Variants in IFT57 observed in about 807,000 individuals in gnomAD.
IFT57 encodes intraflagellar transport protein 57 homolog.
IFT57 carries 59 observed loss-of-function variants against 56.8 expected under a neutral mutation model. The ratio of observed to expected loss-of-function variants is 1.04; its 90% CI spans 0.84 to 1.29. IFT57 has a LOEUF of 1.29. Among genes scored for constraint, IFT57 ranks in the 50% most tolerant of loss-of-function variants. The pLI, the probability that IFT57 is intolerant of heterozygous loss-of-function variation, is 0.00. For synonymous variants in IFT57, 209 were observed against 186.1 expected (o/e 1.12, Z -1.00); for missense variants, 470 against 522.1 (o/e 0.90, Z 0.97).
chr3:108,194,788 T>C (rs1159474797), intron 5 of IFT57, among the ~76,000 whole-genome samples: 1 of 152,188 alleles, frequency 6.6e-6, no homozygotes, highest in African/African-American at 2.4e-5. Flanking sequence ...GATATTCATA[T>C]GTAGAAGAAT....
At chr3:108,195,081 A>G (rs1257338736) in intron 5 of IFT57, among the ~76,000 whole-genome samples, 2 of 152,170 alleles carry the variant, frequency 1.3e-5, no homozygotes, top group Non-Finnish European at 2.9e-5. Context: ...CTGAAAGGGG[A>G]TTAACAATCA....
chr3:108,175,727 T>C (rs1251237579), intron 6 of IFT57, among the ~76,000 whole-genome samples: 1 of 151,710 alleles, frequency 6.6e-6, no homozygotes, highest in Non-Finnish European at 1.5e-5. Context: ...GAGCTAGAGC[T>C]AGAGATGGTA....
At chr3:108,163,584 T>C (rs1024266559) in intron 10 of IFT57, 79 bp downstream of exon 10, 3 of 900,006 alleles carry the variant, frequency 3.3e-6, no homozygotes, top group Admixed American at 2.0e-5. Context: ...TATATATTAA[T>C]ACTATTTTGT....
intron 2 of IFT57, 69 bp downstream of exon 2, chr3:108,219,341 G>T: frequency 7.6e-7 from 1 of 1,313,488 alleles, no homozygotes; most frequent in Non-Finnish European, 1.1e-6. Flanking sequence ...GCTAGCATTT[G>T]TTATTAAATT....
At chr3:108,210,542 A>T (rs1207655312) in intron 4 of IFT57, among the ~76,000 whole-genome samples, 1 of 151,994 alleles carries the variant, frequency 6.6e-6, no homozygotes, top group Admixed American at 6.6e-5. Flanking sequence ...CATGTTAGCC[A>T]GGCTAATCTC....
At chr3:108,165,323 A>T in intron 9 of IFT57, 108 bp downstream of exon 9, 1 of 790,080 alleles carries the variant, frequency 1.3e-6, no homozygotes, top group Non-Finnish European at 2.2e-6. Flanking sequence ...AAAATGATTT[A>T]AAGGCACAGG....
intron 3 of IFT57, 46 bp from the exon 4 acceptor site, chr3:108,214,067 T>C: frequency 8.5e-7 from 1 of 1,177,990 alleles, no homozygotes; most frequent in Non-Finnish European, 1.2e-6. Flanking sequence ...TAATATTTAG[T>C]AAGACAAAAA....
intron 4 of IFT57, among the ~76,000 whole-genome samples, chr3:108,212,014 G>A (rs2080344749): frequency 6.6e-6 from 1 of 152,052 alleles, no homozygotes; most frequent in Non-Finnish European, 1.5e-5. Flanking sequence ...ACAGGGTCTT[G>A]CTCTGTCACC....
Position 108,161,786 on chromosome 3 carries a change from T to C in IFT57, c.*691A>G, listed in dbSNP as rs905906279. ...CCGATACCACAGAAAAAGGTAGAAA[T>C]TGAGACATGCATATGCACCTTCTCT... On this transcript the variant is annotated 3_prime_UTR_variant, in exon 11 of 11. Transcript: ENST00000264538. 12 of 152,168 alleles carry C rather than the reference T, an allele frequency of 7.9e-5. No homozygotes were observed. Among genetic ancestry groups the C allele is most frequent in the Admixed American group, 1.3e-4 (2 of 15,260 alleles). The allele number at this position is 152,168 out of a possible 1,614,324, so 9.4% of individuals were successfully genotyped here.
In IFT57 at chr3:108,160,988, G is replaced by A. The variant is rs111415950; in HGVS notation, c.*1489C>T. 6.6e-6 allele frequency: 1 copy of A among 152,242 alleles called. No homozygotes were observed. The highest frequency in any genetic ancestry group is 2.4e-5 in the African/African-American group (1 of 41,550). 9.4% of individuals were successfully genotyped at this position (152,242 alleles called of 1,614,324 possible). Reference sequence around the variant, plus strand: ...TTACATGTCTGCATAAATAATGGGTGTACTTTGCTTCTGATTGAAATGCAT... The same window carrying A: ...TTACATGTCTGCATAAATAATGGGTATACTTTGCTTCTGATTGAAATGCAT... On this transcript the variant is annotated 3_prime_UTR_variant, in exon 11 of 11. Transcript: ENST00000264538.
intron 1 of IFT57, among the ~76,000 whole-genome samples, chr3:108,219,779 A>G (rs573358755): frequency 6.6e-6 from 1 of 152,298 alleles, no homozygotes; most frequent in African/African-American, 2.4e-5. Context: ...TAGGGCAATT[A>G]CTACTGTACC....
chr3:108,163,694 C>T lies in IFT57; in HGVS notation c.1080G>A (p.Met360Ile). The T allele has an allele frequency of 1.2e-6, 2 of 1,611,164 alleles. No homozygotes were observed. The highest frequency in any genetic ancestry group is 1.7e-6 in the Non-Finnish European group (2 of 1,178,064). Residue 360 changes from methionine to isoleucine, a missense_variant, in exon 10 of 11, where the codon ATG becomes ATA. Physicochemically the swap from Met to Ile is conservative, Grantham distance 10. Coordinates refer to ENST00000264538, the MANE Select transcript of IFT57 (RefSeq NM_018010.4). Reference protein sequence around the residue: ...MEELEKVKQEMEEKGSSMTDG... With the variant: ...MEELEKVKQEIEEKGSSMTDG... The stretch of plus-strand genomic sequence containing the variant: ...CAGTCATGCTGCTGCCCTTTTCTTC[C>T]ATTTCTTGTTTTACCTTTTCTAATT...
chr3:108,189,752 G>A (rs1220498450), intron 6 of IFT57, among the ~76,000 whole-genome samples: 1 of 133,700 alleles, frequency 7.5e-6, no homozygotes, highest in Non-Finnish European at 1.7e-5. Context: ...ACTTTGTGCA[G>A]TAGTTTTGAC....
chr3:108,183,466 AC>A (rs1233789663), intron 6 of IFT57, among the ~76,000 whole-genome samples: 7 of 152,140 alleles, frequency 4.6e-5, no homozygotes, highest in Non-Finnish European at 1.0e-4. Context: ...TCAATGTAGG[AC>A]CAACCAGACC....
chr3:108,185,078 A>T (rs928280454), intron 6 of IFT57, among the ~76,000 whole-genome samples: 3 of 152,190 alleles, frequency 2.0e-5, no homozygotes, highest in African/African-American at 4.8e-5. Context: ...TTATAAAAAA[A>T]GAAAATTCAG....
chr3:108,183,508 CCAGT>C (rs1306929871), intron 6 of IFT57, among the ~76,000 whole-genome samples: 2 of 152,126 alleles, frequency 1.3e-5, no homozygotes, highest in Non-Finnish European at 2.9e-5. Context: ...CCTTAACCAG[CCAGT>C]CACATATTAT....
At chr3:108,214,507 ATT>A (rs2080360112) in intron 3 of IFT57, among the ~76,000 whole-genome samples, 1 of 152,170 alleles carries the variant, frequency 6.6e-6, no homozygotes. Context: ...TTTGTACAGT[ATT>A]GTTTTGCTAT....
chr3:108,197,165 T>C (rs748204821), intron 5 of IFT57, among the ~76,000 whole-genome samples: 5 of 152,206 alleles, frequency 3.3e-5, no homozygotes, highest in African/African-American at 4.8e-5. Context: ...TAGAAGCTCA[T>C]AAGACACAAG....
At chr3:108,194,757 T>C (rs2080234511) in intron 5 of IFT57, among the ~76,000 whole-genome samples, 1 of 152,110 alleles carries the variant, frequency 6.6e-6, no homozygotes. Flanking sequence ...GTCTCTTCAA[T>C]ACATGGTGCT....
Sources: gnomAD v4.1 joint callset for allele counts (sites outside exome capture counted in the v4.1 genomes callset) on GRCh38, gnomAD v4.1.1 for gene constraint, MANE v1.5 for transcripts, NCBI Gene and HGNC (gene_info 2026-07-23, HGNC 2026-07-21) for gene names.